The following ALG13 variants were observed in gnomAD, a reference collection of about 807,000 sequenced individuals.
ALG13 encodes the protein ALG13 UDP-N-acetylglucosaminyltransferase subunit, also known as UDP-N-acetylglucosamine transferase subunit ALG13.
Under a neutral mutation model 87.8 loss-of-function variants are expected in ALG13, and 11 were observed. The observed-to-expected ratio is 0.13, with a 90% CI of 0.08 to 0.21. The LOEUF is 0.21. Ranked by LOEUF, ALG13 falls within the 10% of genes least tolerant of loss-of-function variation. The probability of loss-of-function intolerance (pLI) is 1.00; values close to 1 mark genes in which losing one functional copy is unlikely to be tolerated. For missense variants in ALG13, 756 were observed against 866.1 expected (o/e 0.87, Z 1.60); for synonymous variants, 320 against 306.3 (o/e 1.04, Z -0.47).
intron 16 of ALG13, 81 bp from the exon 17 acceptor site, chrX:111,727,251 T>G (rs1033391699): frequency 2.2e-6 from 2 of 900,531 alleles, no homozygotes; most frequent in African/African-American, 4.0e-5. Flanking sequence ...GAAAGACAGA[T>G]TAGTTCTATT....
chrX:111,738,598 A>G (rs952819278), intron 23 of ALG13, among the ~76,000 whole-genome samples: 1 of 111,747 alleles, frequency 8.9e-6, no homozygotes, highest in African/African-American at 3.3e-5. Flanking sequence ...GAGTGCAGTG[A>G]CATGATCATG....
intron 3 of ALG13, among the ~76,000 whole-genome samples, chrX:111,686,892 T>A (rs1017067541): frequency 1.8e-5 from 2 of 112,467 alleles, no homozygotes; most frequent in African/African-American, 3.2e-5. Context: ...TTTTTCTATA[T>A]TAATTTCAAG....
At chrX:111,726,232 GT>G (rs1213050998) in intron 15 of ALG13, among the ~76,000 whole-genome samples, 4,468 of 60,058 alleles carry the variant, frequency 0.074, 352 homozygotes, top group African/African-American at 0.3. Flanking sequence ...GGCGTGTTTT[GT>G]TTTTTTTTTT....
At chrX:111,732,145 C>T (rs1424430063) in intron 21 of ALG13, among the ~76,000 whole-genome samples, 2 of 111,787 alleles carry the variant, frequency 1.8e-5, no homozygotes, top group Non-Finnish European at 3.8e-5. Flanking sequence ...TACTAATTCT[C>T]TCCTACATAC....
At chrX:111,688,679 T>C in intron 3 of ALG13, 2 of 751,117 alleles carry the variant, frequency 2.7e-6, no homozygotes, top group Non-Finnish European at 3.1e-6. Context: ...TTACTATTGT[T>C]TTTTAAGGAT....
At chrX:111,715,439 C>T (rs1309640059) in intron 8 of ALG13, among the ~76,000 whole-genome samples, 5 of 111,888 alleles carry the variant, frequency 4.5e-5, no homozygotes, top group East Asian at 2.8e-4. Context: ...AAAATGAGGC[C>T]GGGTGTGGTG....
In ALG13 at chrX:111,708,089, C is replaced by T. The variant is rs1322299399; in HGVS notation, c.446C>T (p.Ser149Phe). The T allele has an allele frequency of 1.7e-6, 2 of 1,209,519 alleles. No individual in the cohort carries two copies. The highest frequency in any genetic ancestry group is 3.5e-5 in the South Asian group (2 of 56,731). ...IASAPGKCQD[S>F]AALTSTAFSG... ...TCTGCTCCTGGGAAGTGCCAAGATT[C>T]TGCAGCGCTGACTTCAACTGCCTTT... Residue 149 changes from serine (S) to phenylalanine (F), a missense_variant, in exon 4 of 27, where the codon TCT becomes TTT. By Grantham distance (155) the Ser-to-Phe change is radical. Transcript: ENST00000394780.
rs750710267 is a variant in ALG13, at chrX:111,744,725, T to TACC, written c.2796_2798dup (p.Pro945dup). Reference sequence around the variant, plus strand: ...GCTATTCCTCATGCTGGTGCCTCTCTACCACCACCACCACCACCACCACCA... The same window carrying TACC: ...GCTATTCCTCATGCTGGTGCCTCTCTACCACCACCACCACCACCACCACCACCA... On this transcript the variant is annotated inframe_insertion, in exon 24 of 27. Coordinates refer to ENST00000394780, the MANE Select transcript of ALG13 (RefSeq NM_001099922.3). 6.4e-3 allele frequency: 7,014 copies of TACC among 1,092,915 alleles called. 37 individuals carry two copies. The highest frequency in any genetic ancestry group is 0.025 in the East Asian group (725 of 28,800). The allele number at this position is 1,092,915 out of a possible 1,213,427, so 90.1% of individuals were successfully genotyped here.
intron 23 of ALG13, among the ~76,000 whole-genome samples, chrX:111,737,338 G>A (rs1025017942): frequency 8.9e-6 from 1 of 112,159 alleles, no homozygotes; most frequent in African/African-American, 3.2e-5. Context: ...AACTTATTGT[G>A]TAATTTTGCA....
At chrX:111,711,339 A>G (rs1481826391) in intron 5 of ALG13, among the ~76,000 whole-genome samples, 4 of 112,297 alleles carry the variant, frequency 3.6e-5, no homozygotes, top group Non-Finnish European at 7.5e-5. Flanking sequence ...GTTTTGTCAA[A>G]TTTGAAATCC....
chrX:111,759,899 A>G lies in ALG13; in HGVS notation c.3314A>G (p.Tyr1105Cys), dbSNP rs751433728. 2 of 1,208,627 alleles carry G rather than the reference A, an allele frequency of 1.7e-6. No homozygotes were observed. The highest frequency in any genetic ancestry group is 3.5e-5 in the African/African-American group (2 of 56,854). ...VPPWHPVGTA[Y>C]GGSSQIHGAI... ...CCCTGGCATCCAGTTGGTACAGCAT[A>G]TGGTGGTTCTTCTCAAATTCATGGT... Residue 1105 changes from tyrosine (Y) to cysteine (C), a missense_variant, in exon 27 of 27, where the codon TAT (tyrosine) becomes TGT (cysteine). Transcript: ENST00000394780.
In ALG13 at chrX:111,682,162, A is replaced by G; in HGVS notation, c.112A>G (p.Ile38Val). ...CGAGAGCCTTGGTTACAACCGACTT[A>G]TCCTGCAAATTGGTAGAGGAACGGT... ...KIESLGYNRL[I>V]LQIGRGTVVP... The change falls in exon 2 of 27, where the codon ATC becomes GTC. Residue 38 changes from isoleucine (I) to valine (V), a missense_variant. Transcript: ENST00000394780. 8.4e-7 allele frequency: 1 copy of G among 1,194,253 alleles called. No homozygotes were observed. Among genetic ancestry groups the G allele is most frequent in the Non-Finnish European group, 1.1e-6 (1 of 888,134 alleles).
chrX:111,694,221 A>T (rs1339992506), intron 3 of ALG13, among the ~76,000 whole-genome samples: 2 of 108,076 alleles, frequency 1.9e-5, no homozygotes, highest in Non-Finnish European at 3.8e-5. Context: ...TTTTTTTTGT[A>T]TTTTTGGTAG....
At chrX:111,708,467 G>C in intron 4 of ALG13, 74 bp downstream of exon 4, 2 of 1,107,688 alleles carry the variant, frequency 1.8e-6, no homozygotes. Flanking sequence ...TAGTTTGCCA[G>C]AAGAAACAAA....
At chrX:111,707,945 C>G in intron 3 of ALG13, 82 bp from the exon 4 acceptor site, 23 of 1,005,915 alleles carry the variant, frequency 2.3e-5, no homozygotes, top group Middle Eastern at 3.9e-4. Context: ...ACTCTAAGTA[C>G]TTTCTCCCTC....
At chrX:111,724,860 G>T (rs908813183) in intron 14 of ALG13, 74 bp from the exon 15 acceptor site, 7 of 1,040,522 alleles carry the variant, frequency 6.7e-6, no homozygotes, top group Non-Finnish European at 9.2e-6. Context: ...AAGTATAAGG[G>T]GTGGGATACG....
chrX:111,736,270 T>C (rs771932842), intron 22 of ALG13, among the ~76,000 whole-genome samples: 3 of 111,851 alleles, frequency 2.7e-5, no homozygotes, highest in Non-Finnish European at 3.8e-5. Flanking sequence ...GCCACTTCAC[T>C]CCAGCCTGGG....
At chrX:111,727,309 GT>G in intron 16 of ALG13, 22 bp from the exon 17 acceptor site, 1 of 1,137,073 alleles carries the variant, frequency 8.8e-7, no homozygotes, top group Non-Finnish European at 1.2e-6. Context: ...GAGAGTTCTA[GT>G]TTCCTTTCTC....
intron 21 of ALG13, among the ~76,000 whole-genome samples, chrX:111,732,220 T>C (rs557630678): frequency 3.6e-5 from 4 of 111,753 alleles, no homozygotes; most frequent in African/African-American, 1.3e-4. Context: ...ACTAACATCA[T>C]GTCTTCTAAA....
Sources: gnomAD v4.1 joint callset for allele counts (sites outside exome capture counted in the v4.1 genomes callset) on GRCh38, gnomAD v4.1.1 for gene constraint, MANE v1.5 for transcripts, NCBI Gene and HGNC (gene_info 2026-07-23, HGNC 2026-07-21) for gene names.